Variants in CRMP1 observed in about 807,000 individuals in gnomAD.
The protein encoded by CRMP1 is dihydropyrimidinase-related protein 1.
CRMP1 carries 19 observed loss-of-function variants against 68.3 expected under a neutral mutation model. The ratio of observed to expected loss-of-function variants is 0.28; its 90% CI spans 0.19 to 0.41. The LOEUF is 0.41. CRMP1 is among the 10% of genes least tolerant of loss of function. The probability of loss-of-function intolerance (pLI) is 1.00; values close to 1 mark genes in which losing one functional copy is unlikely to be tolerated. For synonymous variants in CRMP1, 439 were observed against 399.6 expected (o/e 1.10, Z -1.18); for missense variants, 791 against 967.4 (o/e 0.82, Z 2.42).
chr4:5,883,801 C>T lies in CRMP1; in HGVS notation c.381+8788G>A, dbSNP rs150938640. 1.4e-3 allele frequency among the ~76,000 whole-genome samples: 210 copies of T among 152,314 alleles called. No homozygotes were observed. The highest frequency in any genetic ancestry group is 4.8e-3 in the African/African-American group (201 of 41,566). On this transcript the variant is annotated intron_variant, in intron 1 of 13. Transcript: ENST00000324989. The surrounding 1 kb of genome is among the most constrained non-coding windows in gnomAD (Gnocchi z 4.5). ...AGATATTTACTATGTGCCATGCACACTCATGTATGTTGTATTGTGTGTGCT... is the reference window on the plus strand; with the variant it reads ...AGATATTTACTATGTGCCATGCACATTCATGTATGTTGTATTGTGTGTGCT...
intron 1 of CRMP1, among the ~76,000 whole-genome samples, chr4:5,868,273 A>ATATC (rs1714157151): frequency 2.7e-5 from 1 of 36,808 alleles, no homozygotes; most frequent in Non-Finnish European, 5.9e-5. Context: ...ATATATATAT[A>ATATC]TATATATATA....
rs112957840 is a variant in CRMP1 at position 5,842,990 on chromosome 4, G to A, written c.1032+103C>T. 168 of 1,110,444 alleles carry A rather than the reference G, an allele frequency of 1.5e-4. No homozygotes were observed. The African/African-American group carries it at 1.6e-3, about 11-fold the overall frequency. 68.8% of individuals were successfully genotyped at this position (1,110,444 alleles called of 1,614,324 possible). A position where few individuals can be genotyped will look rare whatever the true frequency, so the allele number is the denominator to read the frequency against. ...TTTGGGATGGTCTGGGAGAGGACAC[G>A]GGAAGAGGCCGGGTCCTGGCTGGGC... On this transcript the variant is annotated intron_variant, in intron 7 of 13. Transcript: ENST00000324989. This position sits in a 1 kb window ranked among gnomAD's most constrained non-coding sequence, Gnocchi z 4.5.
chr4:5,890,711 G>C lies in CRMP1; in HGVS notation c.381+1878C>G, dbSNP rs1715903447. On this transcript the variant is annotated intron_variant, in intron 1 of 13. Transcript: ENST00000324989. The surrounding 1 kb of genome is among the most constrained non-coding windows in gnomAD (Gnocchi z 5.5). ...AGGAAGGAGTAGGGGAGAGGAACGG[G>C]AGAGGTGAAGCGACCAGCGTCCCCA... Among the ~76,000 whole-genome samples, 1 of 152,202 alleles carries C rather than the reference G, an allele frequency of 6.6e-6. No individual in the cohort carries two copies. Among genetic ancestry groups the C allele is most frequent in the African/African-American group, 2.4e-5 (1 of 41,462 alleles).
rs1032851556 is a variant in CRMP1, at chr4:5,834,102, C to A, written c.1623+1813G>T. Among the ~76,000 whole-genome samples the A allele has an allele frequency of 2.0e-5, 3 of 152,204 alleles. No individual in the cohort carries two copies. The highest frequency in any genetic ancestry group is 4.8e-5 in the African/African-American group (2 of 41,440). On this transcript the variant is annotated intron_variant, in intron 11 of 13. Coordinates refer to ENST00000324989, the MANE Select transcript of CRMP1 (RefSeq NM_001014809.3). This position sits in a 1 kb window ranked among gnomAD's most constrained non-coding sequence, Gnocchi z 4.3. ...CAGCTCAGTCTACTTCCTTCTGGGT[C>A]CTTGTCCGCCGACCTTTGACTGGCT...
intron 11 of CRMP1, among the ~76,000 whole-genome samples, chr4:5,833,272 T>C (rs1306484256): frequency 9.8e-6 from 1 of 101,640 alleles, no homozygotes; most frequent in African/African-American, 4.0e-5. Context: ...GTTCACGCCA[T>C]TCTCCTGCCT....
chr4:5,826,961 G>C (rs1270631877), intron 12 of CRMP1: 1 of 152,598 alleles, frequency 6.6e-6, no homozygotes, highest in African/African-American at 2.4e-5. Flanking sequence ...GGGCCTCACT[G>C]TATCCTGTGC....
In CRMP1 at chr4:5,821,793, A is replaced by AG. The variant is rs1161942169; in HGVS notation, c.2027dup (p.Gly677TrpfsTer19). On this transcript the variant is annotated frameshift_variant, in exon 14 of 14. Coordinates refer to ENST00000324989, the MANE Select transcript of CRMP1 (RefSeq NM_001014809.3). LOFTEE classifies it high-confidence loss of function. The surrounding 1 kb of genome is among the most constrained non-coding windows in gnomAD (Gnocchi z 4.4). ...GGCTGGTGATGTTGGAGCGGCCACC[A>AG]GGGGGCGCCACGATGCGGTGGCCGG... The AG allele has an allele frequency of 1.9e-6, 3 of 1,611,532 alleles. No homozygotes were observed.
intron 4 of CRMP1, 41 bp downstream of exon 4, chr4:5,856,102 C>G (rs1263324854): frequency 6.2e-7 from 1 of 1,607,662 alleles, no homozygotes; most frequent in African/African-American, 1.3e-5. Context: ...TACCAAAGAA[C>G]AAGGGATTCC....
intron 13 of CRMP1, chr4:5,824,519 T>C: frequency 1.0e-6 from 1 of 985,258 alleles, no homozygotes; most frequent in Non-Finnish European, 1.2e-6. Flanking sequence ...TTCCACTCTC[T>C]CTTTTGCTAA....
At position 5,843,425 on chromosome 4, in the gene CRMP1, G is replaced by C. The variant is rs1274450851; in HGVS notation, c.964-264C>G. Among the ~76,000 whole-genome samples, 1 of 152,030 alleles carries C rather than the reference G, an allele frequency of 6.6e-6. No individual in the cohort carries two copies. The highest frequency in any genetic ancestry group is 2.4e-5 in the African/African-American group (1 of 41,398). On this transcript the variant is annotated intron_variant, in intron 6 of 13. Transcript: ENST00000324989. This position sits in a 1 kb window ranked among gnomAD's most constrained non-coding sequence, Gnocchi z 4.1. The stretch of plus-strand genomic sequence containing the variant: ...TCCCGGGATCAATGAGAGGAAGCAG[G>C]GTTATAAGACACGAGCTTCCAAGGC...
chr4:5,860,910 G>T lies in CRMP1; in HGVS notation c.655+116C>A. On this transcript the variant is annotated intron_variant, in intron 3 of 13. Transcript: ENST00000324989. The surrounding 1 kb of genome is among the most constrained non-coding windows in gnomAD (Gnocchi z 4.2). ...TGTGTCATAGGGCTGGGGGGAGAAT[G>T]AAATCCAATGGCACCCTGGGCAGAG... is the stretch of plus-strand genomic sequence containing the variant. The T allele has an allele frequency of 9.4e-7, 1 of 1,064,178 alleles. No homozygotes were observed. The highest frequency in any genetic ancestry group is 1.3e-6 in the Non-Finnish European group (1 of 747,612). 65.9% of individuals were successfully genotyped at this position (1,064,178 alleles called of 1,614,324 possible).
At chr4:5,868,261 C>CTA (rs60816757) in intron 1 of CRMP1, among the ~76,000 whole-genome samples, 1,963 of 110,864 alleles carry the variant, frequency 0.018, 21 homozygotes, top group African/African-American at 0.023. Flanking sequence ...GACTATATAT[C>CTA]TATATATATA....
At chr4:5,839,223 T>C (rs1711515544) in intron 9 of CRMP1, among the ~76,000 whole-genome samples, 1 of 152,218 alleles carries the variant, frequency 6.6e-6, no homozygotes, top group Non-Finnish European at 1.5e-5. Context: ...CTTGTCTCCA[T>C]CCCTGATCCT....
intron 1 of CRMP1, among the ~76,000 whole-genome samples, chr4:5,878,423 T>C (rs569726206): frequency 6.6e-6 from 1 of 152,286 alleles, no homozygotes; most frequent in East Asian, 1.9e-4. Context: ...TTATCGTGAA[T>C]GTGGTCAAAA....
At position 5,891,294 on chromosome 4, in the gene CRMP1, G is replaced by A. The variant is rs1006239744; in HGVS notation, c.381+1295C>T. On this transcript the variant is annotated intron_variant, in intron 1 of 13. Coordinates refer to ENST00000324989, the MANE Select transcript of CRMP1 (RefSeq NM_001014809.3). This position sits in a 1 kb window ranked among gnomAD's most constrained non-coding sequence, Gnocchi z 5.2. ...CTGGAGCAACAGCCCGCCCGCGAAG[G>A]GATGGGGCCCGAAGAGGCCCACCAC... Among the ~76,000 whole-genome samples the A allele has an allele frequency of 6.6e-6, 1 of 151,774 alleles. No homozygotes were observed. The highest frequency in any genetic ancestry group is 1.5e-5 in the Non-Finnish European group (1 of 67,978).
chr4:5,837,551 C>G (rs757821392), intron 9 of CRMP1, among the ~76,000 whole-genome samples: 6 of 151,134 alleles, frequency 4.0e-5, no homozygotes, highest in Non-Finnish European at 8.8e-5. Context: ...TTGCTTGAAC[C>G]CAGGAGGTGG....
chr4:5,841,401 T>C lies in CRMP1; in HGVS notation c.1060A>G (p.Ile354Val). ...CAGTTGATCCGGCCCGCAATGGTGA[T>C]GGCCCGGAACACCGCCTCGGCCTCC... ...ELEAEAVFRA[I>V]TIAGRINCPV... is the part of the protein sequence containing the mutation. The change falls in exon 8 of 14, where the codon ATC becomes GTC. Residue 354 changes from isoleucine to valine, a missense_variant. By Grantham distance (29) the Ile-to-Val change is conservative. Around this residue, in one of 3 missense-constraint regions of CRMP1, gnomAD observed 594 missense variants for 763.6 expected, o/e 0.78. Transcript: ENST00000324989. This position sits in a 1 kb window ranked among gnomAD's most constrained non-coding sequence, Gnocchi z 6.9. The C allele has an allele frequency of 1.2e-6, 2 of 1,614,182 alleles. No homozygotes were observed. The highest frequency in any genetic ancestry group is 1.7e-6 in the Non-Finnish European group (2 of 1,180,036).
At chr4:5,832,221 G>C (rs544555123) in intron 11 of CRMP1, among the ~76,000 whole-genome samples, 18 of 152,336 alleles carry the variant, frequency 1.2e-4, no homozygotes, top group African/African-American at 4.1e-4. Flanking sequence ...TTTTCTGGAG[G>C]TGATGAAAAC....
chr4:5,868,959 T>C (rs1444647391), intron 1 of CRMP1, among the ~76,000 whole-genome samples: 1 of 152,158 alleles, frequency 6.6e-6, no homozygotes, highest in Non-Finnish European at 1.5e-5. Flanking sequence ...CTTTTCTTTT[T>C]TCTTTTTTTC....
Sources: gnomAD v4.1 joint callset for allele counts (sites outside exome capture counted in the v4.1 genomes callset) on GRCh38, gnomAD v4.1.1 for gene constraint, gnomAD v4.1.1 regional missense constraint, Gnocchi (gnomAD v3.1) non-coding constraint, MANE v1.5 for transcripts, NCBI Gene and HGNC (gene_info 2026-07-23, HGNC 2026-07-21) for gene names.